Variants in IL22RA2 observed in about 807,000 individuals in gnomAD.
IL22RA2 encodes the protein interleukin 22 receptor subunit alpha 2.
Under a neutral mutation model 30.7 loss-of-function variants are expected in IL22RA2, and 39 were observed. The observed-to-expected ratio is 1.27, with a 90% confidence interval of 0.98 to 1.66. The LOEUF is 1.66. Ranked by LOEUF, IL22RA2 falls within the 40% of genes most tolerant of loss-of-function variation. The pLI is 0.00. For synonymous variants in IL22RA2, 103 were observed against 105.0 expected (o/e 0.98, Z 0.11); for missense variants, 315 against 312.7 (o/e 1.01, Z -0.05).
At chr6:137,158,763 A>T (rs1778461357) in intron 2 of IL22RA2, among the ~76,000 whole-genome samples, 1 of 152,200 alleles carries the variant, frequency 6.6e-6, no homozygotes, top group African/African-American at 2.4e-5. Flanking sequence ...CATTAAAAAA[A>T]ATATTGCTCT....
Position 137,153,344 on chromosome 6 carries a change from G to A in IL22RA2, c.472+1597C>T, listed in dbSNP as rs532484881. 1.3e-4 allele frequency among the ~76,000 whole-genome samples: 20 copies of A among 152,282 alleles called. No individual in the cohort carries two copies. In the South Asian group the frequency reaches 2.3e-3, roughly 17 times the overall value. On this transcript the variant is annotated intron_variant, in intron 5 of 6. Coordinates refer to ENST00000296980, the MANE Select transcript of IL22RA2 (RefSeq NM_052962.3). ...GGATAATTGAAAACTCAGTTTGAGA[G>A]ACGTCTTGTGAATTGGCATATGAAT... is the stretch of plus-strand genomic sequence containing the variant.
At chr6:137,166,780 C>T (rs1473009167) in intron 1 of IL22RA2, among the ~76,000 whole-genome samples, 1 of 152,212 alleles carries the variant, frequency 6.6e-6, no homozygotes, top group Non-Finnish European at 1.5e-5. Flanking sequence ...ATGGGAAAAA[C>T]TGCATTAGAG....
intron 5 of IL22RA2, among the ~76,000 whole-genome samples, chr6:137,150,419 G>A (rs1007366371): frequency 1.3e-5 from 2 of 150,698 alleles, no homozygotes; most frequent in Middle Eastern, 3.5e-3. Context: ...AAGAGGCCCC[G>A]AAATAAAATG....
intron 1 of IL22RA2, among the ~76,000 whole-genome samples, chr6:137,162,658 T>C (rs1208854310): frequency 6.6e-6 from 1 of 152,156 alleles, no homozygotes; most frequent in Admixed American, 6.5e-5. Flanking sequence ...TTAGAGATAC[T>C]AAAATTATAC....
intron 1 of IL22RA2, among the ~76,000 whole-genome samples, chr6:137,166,218 T>G (rs1778622492): frequency 6.6e-6 from 1 of 152,224 alleles, no homozygotes; most frequent in African/African-American, 2.4e-5. Flanking sequence ...AAACCTGCCC[T>G]CTGCCGGCCG....
At chr6:137,163,263 G>T (rs1778561371) in intron 1 of IL22RA2, among the ~76,000 whole-genome samples, 1 of 152,198 alleles carries the variant, frequency 6.6e-6, no homozygotes, top group Non-Finnish European at 1.5e-5. Flanking sequence ...AAAGCCCTTT[G>T]CTCAGGGCTC....
At chr6:137,165,299 C>G (rs142276648) in intron 1 of IL22RA2, among the ~76,000 whole-genome samples, 1 of 152,240 alleles carries the variant, frequency 6.6e-6, no homozygotes, top group Admixed American at 6.5e-5. Context: ...TTACATGCCA[C>G]TTGACCCAGA....
chr6:137,153,304 A>G (rs1396688716), intron 5 of IL22RA2, among the ~76,000 whole-genome samples: 1 of 152,166 alleles, frequency 6.6e-6, no homozygotes, highest in Non-Finnish European at 1.5e-5. Flanking sequence ...CCATGACTTT[A>G]TAGGAAGGTG....
At chr6:137,167,319 CCTT>C (rs1778645033) in intron 1 of IL22RA2, among the ~76,000 whole-genome samples, 1 of 152,194 alleles carries the variant, frequency 6.6e-6, no homozygotes, top group Admixed American at 6.5e-5. Flanking sequence ...TGCCCATGGT[CCTT>C]CTCTGAGTCA....
At chr6:137,157,371 T>G (rs1778426869) in intron 3 of IL22RA2, among the ~76,000 whole-genome samples, 1 of 152,160 alleles carries the variant, frequency 6.6e-6, no homozygotes, top group Non-Finnish European at 1.5e-5. Flanking sequence ...TCTACTTTTG[T>G]AATGGAGAAA....
chr6:137,145,810 G>A (rs747323617), intron 6 of IL22RA2, 37 bp from the exon 7 acceptor site: 2 of 1,611,770 alleles, frequency 1.2e-6, no homozygotes, highest in Non-Finnish European at 1.7e-6. Context: ...TTGGTAAATG[G>A]CTGCCATTAA....
At chr6:137,158,151 A>T (rs1778447335) in intron 3 of IL22RA2, among the ~76,000 whole-genome samples, 196 bp downstream of exon 3, 1 of 152,186 alleles carries the variant, frequency 6.6e-6, no homozygotes, top group African/African-American at 2.4e-5. Flanking sequence ...GTATCTGCCC[A>T]GTGCACTGCA....
At position 137,156,841 on chromosome 6, in the gene IL22RA2, TGCATGAGAACATG is replaced by T. The variant is rs1157394088; in HGVS notation, c.198_210del (p.Met67AlafsTer2). ...GGCTTCTGGTGAGAGCTTTTCATGC[TGCATGAGAACATG>T]CTAGAGAAGGTCAATGGGGAAAACA... On this transcript the variant is annotated frameshift_variant and splice_region_variant, in exon 4 of 7. Coordinates refer to ENST00000296980, the MANE Select transcript of IL22RA2 (RefSeq NM_052962.3). LOFTEE classifies it high-confidence loss of function. The T allele has an allele frequency of 5.0e-6, 8 of 1,613,540 alleles. No homozygotes were observed. The highest frequency in any genetic ancestry group is 2.7e-5 in the African/African-American group (2 of 74,928).
chr6:137,151,847 G>A (rs947092141), intron 5 of IL22RA2, among the ~76,000 whole-genome samples: 2 of 152,076 alleles, frequency 1.3e-5, no homozygotes, highest in South Asian at 2.1e-4. Flanking sequence ...AACCACATGA[G>A]TTACCATTTT....
chr6:137,159,148 G>A (rs1363052489), intron 2 of IL22RA2, among the ~76,000 whole-genome samples: 5 of 152,136 alleles, frequency 3.3e-5, no homozygotes, highest in Non-Finnish European at 5.9e-5. Flanking sequence ...GCATGGCATG[G>A]GATAATTTTG....
At chr6:137,147,591 T>C (rs1778207090) in intron 6 of IL22RA2, 131 bp downstream of exon 6, 2 of 734,592 alleles carry the variant, frequency 2.7e-6, no homozygotes, top group Non-Finnish European at 4.1e-6. Context: ...TGGCTGAGAG[T>C]AAGAAGAAAT....
rs75159480 is a variant in IL22RA2, at chr6:137,164,137, G to A, written c.-65-2323C>T. 1.0e-3 allele frequency among the ~76,000 whole-genome samples: 152 copies of A among 152,288 alleles called. 1 individual carries two copies. In the East Asian group the frequency reaches 0.01, roughly 10 times the overall value. ...GTCAAAGCCTATTCCACTGGAGTGC[G>A]TGCTGAAAAACTTTAAAAAAAGTTT... On this transcript the variant is annotated intron_variant, in intron 1 of 6. Transcript: ENST00000296980.
At chr6:137,156,263 G>A (rs1455046947) in intron 4 of IL22RA2, among the ~76,000 whole-genome samples, 1 of 152,162 alleles carries the variant, frequency 6.6e-6, no homozygotes, top group African/African-American at 2.4e-5. Flanking sequence ...GGGGAAAAGA[G>A]AAGGAATTGG....
At chr6:137,156,116 A>G (rs1039049524) in intron 4 of IL22RA2, among the ~76,000 whole-genome samples, 5 of 152,216 alleles carry the variant, frequency 3.3e-5, no homozygotes, top group African/African-American at 1.2e-4. Flanking sequence ...AGGGAATCCC[A>G]TGAAAAAAGG....
Sources: allele counts gnomAD v4.1 joint callset (sites outside exome capture counted in the v4.1 genomes callset), GRCh38; gene constraint gnomAD v4.1.1; transcripts MANE v1.5; gene names NCBI Gene and HGNC (gene_info 2026-07-23, HGNC 2026-07-21).